PDE5A: variants seen among roughly 807,000 people sequenced by gnomAD.
PDE5A encodes phosphodiesterase 5A.
A neutral mutation model predicts 110.2 loss-of-function variants in PDE5A; 67 were observed. That is an observed-to-expected ratio of 0.61 (90% CI 0.50 to 0.75). The LOEUF (loss-of-function observed/expected upper bound fraction) is 0.75, where lower values mean the gene tolerates loss of function less well. Among genes scored for constraint, PDE5A ranks in the 30% least tolerant of loss-of-function variants. The probability of loss-of-function intolerance (pLI) is 0.00; values close to 1 mark genes in which losing one functional copy is unlikely to be tolerated. For missense variants in PDE5A, 862 were observed against 1,045.1 expected (o/e 0.82, Z 2.42); for synonymous variants, 328 against 351.2 (o/e 0.93, Z 0.74).
intron 3 of PDE5A, among the ~76,000 whole-genome samples, chr4:119,568,869 T>C (rs1728041707): frequency 6.6e-6 from 1 of 152,078 alleles, no homozygotes; most frequent in Non-Finnish European, 1.5e-5. Flanking sequence ...TATGAAGCAA[T>C]GTACTAAGCA....
chr4:119,521,021 G>A lies in PDE5A; in HGVS notation c.1819C>T (p.Arg607Trp), dbSNP rs1265376573. The A allele has an allele frequency of 3.1e-6, 5 of 1,612,408 alleles. No individual in the cohort carries two copies. The highest frequency in any genetic ancestry group is 1.3e-5 in the African/African-American group (1 of 74,844). Residue 607 changes from arginine to tryptophan, a missense_variant, in exon 13 of 21, where the codon CGG becomes TGG. Arg to Trp is a moderately radical substitution (Grantham distance 101). Coordinates refer to ENST00000354960, the MANE Select transcript of PDE5A (RefSeq NM_001083.4). ...RWILSVKKNY[R>W]KNVAYHNWRH... ...CAATTATGATAGGCAACATTCTTCC[G>A]ATAATTCTTCTTAACACTTAAAATC...
At chr4:119,562,224 A>T (rs1242774436) in intron 6 of PDE5A, among the ~76,000 whole-genome samples, 1 of 152,238 alleles carries the variant, frequency 6.6e-6, no homozygotes, top group Non-Finnish European at 1.5e-5. Context: ...GCACTCTGTG[A>T]CAACAGTCTA....
chr4:119,537,895 T>C (rs903130417), intron 11 of PDE5A, among the ~76,000 whole-genome samples: 1 of 151,416 alleles, frequency 6.6e-6, no homozygotes, highest in African/African-American at 2.4e-5. Context: ...TAAAAGAGAG[T>C]GGAGGAGCAG....
At chr4:119,536,397 C>T (rs973895294) in intron 11 of PDE5A, among the ~76,000 whole-genome samples, 2 of 152,044 alleles carry the variant, frequency 1.3e-5, no homozygotes, top group African/African-American at 4.8e-5. Flanking sequence ...AATATGTAGA[C>T]AATTTCTAAA....
intron 3 of PDE5A, among the ~76,000 whole-genome samples, chr4:119,572,616 T>C (rs1251244472): frequency 6.6e-6 from 1 of 152,212 alleles, no homozygotes; most frequent in Non-Finnish European, 1.5e-5. Context: ...TCACAAAGAA[T>C]GAGACAGTAA....
chr4:119,578,052 CAGAG>C (rs764170997), intron 3 of PDE5A, among the ~76,000 whole-genome samples: 2 of 152,106 alleles, frequency 1.3e-5, no homozygotes, highest in African/African-American at 4.8e-5. Context: ...AACAGACAAA[CAGAG>C]AGCCAAATCA....
At chr4:119,612,959 T>C (rs549831598) in intron 1 of PDE5A, among the ~76,000 whole-genome samples, 31 of 152,270 alleles carry the variant, frequency 2.0e-4, no homozygotes, top group Admixed American at 1.3e-3. Flanking sequence ...CAGTTAACAA[T>C]TGAAGAAACA....
At chr4:119,543,202 T>A (rs900936466) in intron 9 of PDE5A, 3 of 152,026 alleles carry the variant, frequency 2.0e-5, no homozygotes, top group African/African-American at 7.2e-5. Context: ...ATTCTGCAAA[T>A]AATTATGCAA....
chr4:119,517,833 A>G (rs1725970242), intron 14 of PDE5A, among the ~76,000 whole-genome samples: 1 of 152,056 alleles, frequency 6.6e-6, no homozygotes, highest in Non-Finnish European at 1.5e-5. Flanking sequence ...GGAGAGGCGT[A>G]CTATGTGGCT....
intron 1 of PDE5A, among the ~76,000 whole-genome samples, chr4:119,621,854 T>C (rs961139183): frequency 4.6e-5 from 7 of 152,208 alleles, no homozygotes; most frequent in African/African-American, 1.4e-4. Context: ...CTTTCTTTAA[T>C]AGGAGTACAT....
At chr4:119,613,726 G>A (rs906755744) in intron 1 of PDE5A, among the ~76,000 whole-genome samples, 8 of 51,488 alleles carry the variant, frequency 1.6e-4, no homozygotes, top group Non-Finnish European at 3.6e-4. Context: ...TAATTCTAGG[G>A]GGTTTTGAAA....
intron 9 of PDE5A, chr4:119,551,980 G>A (rs1378547099): frequency 6.6e-6 from 1 of 151,984 alleles, no homozygotes; most frequent in Non-Finnish European, 1.5e-5. Context: ...TTACATAACT[G>A]CAATACCAGG....
chr4:119,564,040 A>T (rs1217802739), intron 5 of PDE5A, among the ~76,000 whole-genome samples: 3 of 151,198 alleles, frequency 2.0e-5, no homozygotes, highest in Non-Finnish European at 1.5e-5. Context: ...ATGAAAAAAA[A>T]TACTGTGAAA....
At chr4:119,565,257 TG>T in intron 5 of PDE5A, 63 bp downstream of exon 5, 2 of 1,109,838 alleles carry the variant, frequency 1.8e-6, no homozygotes, top group Non-Finnish European at 2.7e-6. Context: ...ATACATTACT[TG>T]GATAAAAATG....
chr4:119,581,953 A>T (rs1487568769), intron 3 of PDE5A, among the ~76,000 whole-genome samples: 1 of 152,244 alleles, frequency 6.6e-6, no homozygotes, highest in Non-Finnish European at 1.5e-5. Context: ...TTGCTGGTGA[A>T]GGGTCTTAAC....
At chr4:119,503,534 A>G (rs147783797) in intron 18 of PDE5A, among the ~76,000 whole-genome samples, 15 of 152,276 alleles carry the variant, frequency 9.9e-5, no homozygotes, top group African/African-American at 3.6e-4. Flanking sequence ...AAGGCTAACC[A>G]TAAGAAAAGT....
chr4:119,597,178 A>G (rs899272316), intron 2 of PDE5A, among the ~76,000 whole-genome samples: 1 of 152,126 alleles, frequency 6.6e-6, no homozygotes, highest in Non-Finnish European at 1.5e-5. Context: ...TACACACCCA[A>G]TAATCATAAA....
chr4:119,502,119 C>A (rs77408616), intron 19 of PDE5A, among the ~76,000 whole-genome samples: 4 of 152,020 alleles, frequency 2.6e-5, no homozygotes, highest in African/African-American at 9.7e-5. Context: ...CTTTCTCTGT[C>A]AGCCACAGCT....
In PDE5A at chr4:119,627,991, T is replaced by A; in HGVS notation, c.152+529A>T. On this transcript the variant is annotated intron_variant, in intron 1 of 20. Coordinates refer to ENST00000354960, the MANE Select transcript of PDE5A (RefSeq NM_001083.4). The surrounding 1 kb of genome is among the most constrained non-coding windows in gnomAD (Gnocchi z 4.6). ...GGAAGGGGGGAAAAGGCAACCGCACTCACTTTGGCAAGGTTCCGTCATGTT... is the reference window on the plus strand; with the variant it reads ...GGAAGGGGGGAAAAGGCAACCGCACACACTTTGGCAAGGTTCCGTCATGTT... 3 of 972,480 alleles carry A rather than the reference T, an allele frequency of 3.1e-6. No homozygotes were observed. Among genetic ancestry groups the A allele is most frequent in the Non-Finnish European group, 3.7e-6 (3 of 818,056 alleles). 60.2% of individuals were successfully genotyped at this position (972,480 alleles called of 1,614,324 possible). A position where few individuals can be genotyped will look rare whatever the true frequency, so the allele number is the denominator to read the frequency against.
Sources: gnomAD v4.1 joint callset for allele counts (sites outside exome capture counted in the v4.1 genomes callset) on GRCh38, gnomAD v4.1.1 for gene constraint, Gnocchi (gnomAD v3.1) non-coding constraint, MANE v1.5 for transcripts, NCBI Gene and HGNC (gene_info 2026-07-23, HGNC 2026-07-21) for gene names.